ACCSL: variants seen among roughly 807,000 people sequenced by gnomAD.
The protein encoded by ACCSL is probable inactive 1-aminocyclopropane-1-carboxylate synthase-like protein 2.
Under a neutral mutation model 61.7 loss-of-function variants are expected in ACCSL, and 55 were observed. The ratio of observed to expected loss-of-function variants is 0.89; its 90% CI spans 0.72 to 1.12. The LOEUF (loss-of-function observed/expected upper bound fraction) is 1.12. Ranked by LOEUF, ACCSL falls within the 50% of genes most tolerant of loss-of-function variation. The pLI is 0.00. For missense variants in ACCSL, 632 were observed against 698.0 expected (o/e 0.91, Z 1.07); for synonymous variants, 258 against 264.3 (o/e 0.98, Z 0.23).
the ACCSL span, among the ~76,000 whole-genome samples, chr11:43,935,694 T>C: frequency 2.6e-5 from 4 of 152,230 alleles, no homozygotes; most frequent in Non-Finnish European, 5.9e-5. Context: ...TATGTTACTA[T>C]GTTGCTCAGG....
chr11:44,036,088 T>G, the ACCSL span, among the ~76,000 whole-genome samples: 2 of 152,226 alleles, frequency 1.3e-5, no homozygotes, highest in Non-Finnish European at 2.9e-5. Context: ...TGAGCCAGAC[T>G]GTTCCCCAGG....
At chr11:44,011,166 C>G in the ACCSL span, among the ~76,000 whole-genome samples, 1 of 152,128 alleles carries the variant, frequency 6.6e-6, no homozygotes, top group African/African-American at 2.4e-5. Context: ...CCCATCTCCC[C>G]TGCTACCTGT....
upstream of ACCSL, among the ~76,000 whole-genome samples, chr11:44,047,258 A>G (rs1590426721): frequency 6.6e-6 from 1 of 152,176 alleles, no homozygotes; most frequent in Admixed American, 6.5e-5. Flanking sequence ...CACAGTGAGT[A>G]GGTGGAAGGC....
chr11:43,963,004 G>T, the ACCSL span, among the ~76,000 whole-genome samples: 1 of 152,120 alleles, frequency 6.6e-6, no homozygotes, highest in Admixed American at 6.5e-5. Flanking sequence ...CTTCTGATCG[G>T]GGGTATCTAT....
the ACCSL span, among the ~76,000 whole-genome samples, chr11:43,984,116 A>G: frequency 2.6e-5 from 4 of 151,740 alleles, no homozygotes; most frequent in South Asian, 8.3e-4. Context: ...GACTCCATAT[A>G]AAAGAAAAAA....
the ACCSL span, chr11:43,943,002 T>C: frequency 6.6e-7 from 1 of 1,506,250 alleles, no homozygotes; most frequent in Non-Finnish European, 8.9e-7. The surrounding 1 kb of genome is among the most constrained non-coding windows in gnomAD (Gnocchi z 4.8). Context: ...CCGCAGCCCG[T>C]GCGGCCCGCC....
chr11:44,032,614 G>C, the ACCSL span, among the ~76,000 whole-genome samples: 649 of 152,290 alleles, frequency 4.3e-3, 1 homozygote, highest in African/African-American at 0.015. Context: ...AGCACTCCTA[G>C]CTCTGGGAAA....
chr11:43,942,177 G>C, the ACCSL span: 1 of 154,106 alleles, frequency 6.5e-6, no homozygotes, highest in East Asian at 2.0e-4. Context: ...GGCTCGCCAG[G>C]CTGCAAAGAG....
In ACCSL at chr11:44,051,713, C is replaced by T; in HGVS notation, c.766C>T (p.Pro256Ser). 6.2e-7 allele frequency: 1 copy of T among 1,614,118 alleles called. No homozygotes were observed. The highest frequency in any genetic ancestry group is 8.5e-7 in the Non-Finnish European group (1 of 1,180,036). ...FCALAMVLCD[P>S]GEAFLVPAPF... ...TGCCCTGGCCATGGTTCTGTGTGAT[C>T]CAGGCGGTAAGTCAGTGGGCTCTCC... Residue 256 changes from proline (P) to serine (S), a missense_variant, in exon 5 of 14, where the codon CCA becomes TCA. Transcript: ENST00000378832.
chr11:43,925,247 G>T, the ACCSL span: 1 of 390,384 alleles, frequency 2.6e-6, no homozygotes, highest in East Asian at 7.3e-5. Flanking sequence ...AGCCCTGTGG[G>T]GTGTCGGTAG....
At chr11:43,938,549 A>G in the ACCSL span, among the ~76,000 whole-genome samples, 3 of 152,196 alleles carry the variant, frequency 2.0e-5, no homozygotes, top group East Asian at 5.8e-4. Context: ...CACGCCTGTA[A>G]TCCCAGCACT....
the ACCSL span, among the ~76,000 whole-genome samples, chr11:44,000,790 A>T: frequency 4.6e-5 from 7 of 151,646 alleles, no homozygotes; most frequent in Admixed American, 6.6e-5. Context: ...ATATGGGAGG[A>T]TGTGCATAGT....
At chr11:44,023,306 G>A in the ACCSL span, among the ~76,000 whole-genome samples, 6 of 152,124 alleles carry the variant, frequency 3.9e-5, no homozygotes, top group East Asian at 1.2e-3. Flanking sequence ...ACCTGCCTCA[G>A]CCTCCTAAAG....
chr11:44,003,861 G>A, the ACCSL span, among the ~76,000 whole-genome samples: 1 of 152,120 alleles, frequency 6.6e-6, no homozygotes, highest in South Asian at 2.1e-4. Context: ...GCTCTGCCAG[G>A]GGCCCCTGTT....
the ACCSL span, among the ~76,000 whole-genome samples, chr11:44,016,281 G>T: frequency 1.3e-5 from 2 of 152,186 alleles, no homozygotes; most frequent in African/African-American, 4.8e-5. Context: ...CAGGTTGCCG[G>T]GTGGTGGCTG....
At position 44,050,099 on chromosome 11, in the gene ACCSL, G is replaced by A. The variant is rs1478697925; in HGVS notation, c.542G>A (p.Cys181Tyr). The change falls in exon 2 of 14, where the codon TGC (cysteine) becomes TAC (tyrosine). Residue 181 changes from cysteine (C) to tyrosine (Y), a missense_variant. By Grantham distance (194) the Cys-to-Tyr change is radical. Coordinates refer to ENST00000378832, the MANE Select transcript of ACCSL (RefSeq NM_001031854.2). ...INLGTSENKL[C>Y]MDLMTERLQE... ...CTTGGCACCAGTGAGAACAAGCTCT[G>A]CATGGATCTGATGACTGAAAGAGTA... 3.1e-6 allele frequency: 5 copies of A among 1,613,974 alleles called. No individual in the cohort carries two copies. Among genetic ancestry groups the A allele is most frequent in the African/African-American group, 1.3e-5 (1 of 74,900 alleles).
chr11:43,937,596 C>T, the ACCSL span, among the ~76,000 whole-genome samples: 1 of 152,174 alleles, frequency 6.6e-6, no homozygotes, highest in Non-Finnish European at 1.5e-5. Context: ...TTCTCTGAGT[C>T]CTTGGCTGAC....
chr11:43,950,142 C>A, the ACCSL span, among the ~76,000 whole-genome samples: 3 of 152,216 alleles, frequency 2.0e-5, no homozygotes, highest in East Asian at 1.9e-4. Flanking sequence ...TCTTATCTAC[C>A]TATGACCCGG....
chr11:43,949,030 C>T, the ACCSL span, among the ~76,000 whole-genome samples: 1 of 152,204 alleles, frequency 6.6e-6, no homozygotes, highest in Admixed American at 6.5e-5. Context: ...TTTGAGCCTG[C>T]AGCATGATTG....
Sources: allele counts gnomAD v4.1 joint callset (sites outside exome capture counted in the v4.1 genomes callset), GRCh38; gene constraint gnomAD v4.1.1; non-coding constraint Gnocchi (gnomAD v3.1); transcripts MANE v1.5; gene names NCBI Gene and HGNC (gene_info 2026-07-23, HGNC 2026-07-21).